SENP7: variants seen among roughly 807,000 people sequenced by gnomAD.
SENP7 encodes sentrin-specific protease 7.
SENP7 carries 64 observed loss-of-function variants against 141.2 expected under a neutral mutation model. That is an observed-to-expected ratio of 0.45 (90% confidence interval 0.37 to 0.56). SENP7 has a LOEUF of 0.56. SENP7 is among the 20% of genes least tolerant of loss of function. The pLI is 0.00. For synonymous variants in SENP7, 382 were observed against 426.4 expected (o/e 0.90, Z 1.28); for missense variants, 1,025 against 1,212.2 (o/e 0.85, Z 2.29).
intron 16 of SENP7, 54 bp downstream of exon 16, chr3:101,340,041 A>C: frequency 6.8e-7 from 1 of 1,476,536 alleles, no homozygotes. Context: ...CATTTATTTT[A>C]AGTTTCTCAG....
In SENP7 at chr3:101,337,519, G is replaced by A. The variant is rs2059217996; in HGVS notation, c.2470C>T (p.Pro824Ser). The change falls in exon 17 of 24, where the codon CCA becomes TCA. Residue 824 changes from proline (P) to serine (S), a missense_variant. Pro to Ser is a moderately conservative substitution (Grantham distance 74, BLOSUM62 -1). Around this residue, in one of 4 missense-constraint regions of SENP7, gnomAD observed 295 missense variants for 459.1 expected, o/e 0.64. Transcript: ENST00000394095. The part of the protein sequence containing the change: ...RKENNLTEDN[P>S]NLSMAQRRHK... ...AGAGGATTAACTTACGAAAGATTTG[G>A]ATTATCTTCTGTTAAATTATTTTCC... 6.5e-7 allele frequency: 1 copy of A among 1,533,768 alleles called. No homozygotes were observed. The highest frequency in any genetic ancestry group is 1.2e-5 in the South Asian group (1 of 86,058).
rs1296161666 is a variant in SENP7 at position 101,366,780 on chromosome 3, A to C, written c.979-11T>G. 6.6e-7 allele frequency: 1 copy of C among 1,525,596 alleles called. No individual in the cohort carries two copies. 94.5% of individuals were successfully genotyped at this position (1,525,596 alleles called of 1,614,324 possible). On this transcript the variant is annotated splice_polypyrimidine_tract_variant and intron_variant, in intron 8 of 23. Transcript: ENST00000394095. ...ATCTTCTTGTTTTTTCTAAACATAA[A>C]CACATAGAAAAAAATAGCATTTTTC... is the stretch of plus-strand genomic sequence containing the variant.
intron 4 of SENP7, among the ~76,000 whole-genome samples, chr3:101,452,351 T>C (rs950159972): frequency 1.3e-5 from 2 of 152,152 alleles, no homozygotes; most frequent in African/African-American, 2.4e-5. Context: ...CTTTACAGAA[T>C]TGGAAAAAAC....
intron 11 of SENP7, chr3:101,358,370 A>T (rs2059800767): frequency 1.9e-6 from 1 of 539,886 alleles, no homozygotes; most frequent in African/African-American, 2.0e-5. Context: ...AAATCTTTTA[A>T]ATGTTCCTCA....
At chr3:101,343,250 G>T (rs2059374114) in intron 14 of SENP7, among the ~76,000 whole-genome samples, 1 of 152,088 alleles carries the variant, frequency 6.6e-6, no homozygotes, top group African/African-American at 2.4e-5. Flanking sequence ...GAGACTTTGA[G>T]ATTATGCATA....
intron 3 of SENP7, among the ~76,000 whole-genome samples, chr3:101,477,322 A>T (rs1478955693): frequency 6.6e-6 from 1 of 152,206 alleles, no homozygotes; most frequent in Non-Finnish European, 1.5e-5. Flanking sequence ...ATGGAAATTA[A>T]ACAACATGCT....
At chr3:101,390,152 G>A (rs542639861) in intron 6 of SENP7, among the ~76,000 whole-genome samples, 19 of 150,314 alleles carry the variant, frequency 1.3e-4, no homozygotes, top group African/African-American at 4.2e-4. Flanking sequence ...CCTGGGAGGC[G>A]GAAGTTGCAG....
chr3:101,465,512 C>G (rs1251598209), intron 3 of SENP7, among the ~76,000 whole-genome samples: 2 of 152,184 alleles, frequency 1.3e-5, no homozygotes, highest in Admixed American at 1.3e-4. Context: ...CAAAAGCAGT[C>G]TGCATCACTT....
At chr3:101,492,150 C>T (rs1177587025) in intron 3 of SENP7, among the ~76,000 whole-genome samples, 1 of 151,792 alleles carries the variant, frequency 6.6e-6, no homozygotes, top group Non-Finnish European at 1.5e-5. Context: ...GTAAACCCAG[C>T]GCTTCAGGAG....
chr3:101,453,473 C>A (rs1446686338), intron 4 of SENP7, among the ~76,000 whole-genome samples: 3 of 152,128 alleles, frequency 2.0e-5, no homozygotes, highest in African/African-American at 7.2e-5. Context: ...ACCCAAATGT[C>A]CAACAATGGT....
intron 6 of SENP7, among the ~76,000 whole-genome samples, chr3:101,395,569 G>A (rs1361816421): frequency 1.3e-5 from 2 of 152,140 alleles, no homozygotes; most frequent in African/African-American, 4.8e-5. Flanking sequence ...GTAGTGTAAT[G>A]CCTCCAGTTT....
chr3:101,328,419 C>T (rs914669377), intron 22 of SENP7, 59 bp downstream of exon 22: 1 of 1,253,074 alleles, frequency 8.0e-7, no homozygotes, highest in Non-Finnish European at 1.2e-6. Flanking sequence ...CTGAAGGTAA[C>T]TTCAAAATTA....
At chr3:101,354,597 C>T (rs9861403) in intron 11 of SENP7, among the ~76,000 whole-genome samples, 59,803 of 151,856 alleles carry the variant, frequency 0.39, 12,353 homozygotes, top group Admixed American at 0.54. Flanking sequence ...TTATTCTTTT[C>T]CTAGCTGCAT....
intron 4 of SENP7, among the ~76,000 whole-genome samples, chr3:101,431,268 T>C (rs1387352778): frequency 6.6e-6 from 1 of 152,154 alleles, no homozygotes; most frequent in Non-Finnish European, 1.5e-5. Context: ...CTGTCTAATA[T>C]TAACAGTAGG....
intron 4 of SENP7, among the ~76,000 whole-genome samples, chr3:101,442,200 A>G (rs894575576): frequency 6.6e-6 from 1 of 152,246 alleles, no homozygotes; most frequent in African/African-American, 2.4e-5. Flanking sequence ...AGAGAAAAAT[A>G]TATGTATGAA....
At chr3:101,331,865 C>G in intron 19 of SENP7, 120 bp downstream of exon 19, 1 of 935,608 alleles carries the variant, frequency 1.1e-6, no homozygotes, top group South Asian at 2.4e-5. Context: ...TTTATTCATC[C>G]TGTTAAAGTA....
At chr3:101,359,427 C>A (rs2059832373) in intron 11 of SENP7, among the ~76,000 whole-genome samples, 1 of 150,436 alleles carries the variant, frequency 6.6e-6, no homozygotes, top group Admixed American at 6.6e-5. Context: ...AGAATCATAT[C>A]ATCTGCAAAC....
chr3:101,441,475 A>C (rs933808105), intron 4 of SENP7, among the ~76,000 whole-genome samples: 29 of 152,084 alleles, frequency 1.9e-4, no homozygotes, highest in African/African-American at 6.5e-4. Context: ...TGCCCTGTCC[A>C]CTGCCACCAC....
chr3:101,390,219 C>CAAAA (rs563281627), intron 6 of SENP7, among the ~76,000 whole-genome samples: 9 of 73,828 alleles, frequency 1.2e-4, no homozygotes, highest in African/African-American at 4.6e-4. Context: ...GACTCTGTCT[C>CAAAA]AAAAAAAAAA....
Sources: allele counts gnomAD v4.1 joint callset (sites outside exome capture counted in the v4.1 genomes callset), GRCh38; gene constraint gnomAD v4.1.1; regional missense constraint gnomAD v4.1.1; transcripts MANE v1.5; gene names NCBI Gene and HGNC (gene_info 2026-07-23, HGNC 2026-07-21).